PRELID3B: variants seen among roughly 807,000 people sequenced by gnomAD.
PRELID3B encodes PRELI domain containing 3B, also known as PRELI domain containing protein 3B.
In PRELID3B, 15 loss-of-function variants were observed where a neutral mutation model predicts 24.0. That is an observed-to-expected ratio of 0.63 (90% CI 0.42 to 0.96). PRELID3B has a LOEUF of 0.96. PRELID3B is among the 40% of genes least tolerant of loss of function. The pLI is 0.00. For missense variants in PRELID3B, 189 were observed against 236.0 expected (o/e 0.80, Z 1.30); for synonymous variants, 62 against 76.0 (o/e 0.82, Z 0.96).
chr20:59,035,808 AC>A (rs1345575075), intron 5 of PRELID3B, among the ~76,000 whole-genome samples: 3 of 152,100 alleles, frequency 2.0e-5, no homozygotes, highest in Non-Finnish European at 4.4e-5. Context: ...CCTGCTGTAT[AC>A]CCTGTCTAGC....
chr20:59,041,240 T>C (rs1414362443), intron 1 of PRELID3B, among the ~76,000 whole-genome samples: 3 of 152,208 alleles, frequency 2.0e-5, no homozygotes, highest in Admixed American at 2.0e-4. Context: ...TAGTGATGAA[T>C]GCGACCAGGT....
intron 3 of PRELID3B, 43 bp from the exon 4 acceptor site, chr20:59,036,803 A>T: frequency 7.6e-7 from 1 of 1,307,742 alleles, no homozygotes; most frequent in Non-Finnish European, 1.1e-6. Flanking sequence ...TCATTTTGGA[A>T]CTGAAGATTC....
At position 59,040,956 on chromosome 20, in the gene PRELID3B, C is replaced by T. The variant is rs183389478; in HGVS notation, c.32+1743G>A. 1.3e-5 allele frequency among the ~76,000 whole-genome samples: 2 copies of T among 152,272 alleles called. No individual in the cohort carries two copies. The highest frequency in any genetic ancestry group is 2.4e-5 in the African/African-American group (1 of 41,554). On this transcript the variant is annotated intron_variant, in intron 1 of 5. Transcript: ENST00000355937. This position sits in a 1 kb window ranked among gnomAD's most constrained non-coding sequence, Gnocchi z 4.1. ...AGAAACAAAAAAGAAATTAAGATCA[C>T]AGGTAAAATCCAATATAGGAAGGCC...
At chr20:59,037,559 C>A (rs544804347) in intron 2 of PRELID3B, among the ~76,000 whole-genome samples, 3 of 152,164 alleles carry the variant, frequency 2.0e-5, no homozygotes, top group Non-Finnish European at 4.4e-5. Context: ...TGCCGCGGTG[C>A]GACGGTGGAG....
At chr20:59,039,844 C>T (rs2146394553) in intron 1 of PRELID3B, among the ~76,000 whole-genome samples, 1 of 152,294 alleles carries the variant, frequency 6.6e-6, no homozygotes, top group African/African-American at 2.4e-5. Flanking sequence ...CTTTTCTATA[C>T]AATATTGTAC....
At chr20:59,037,485 T>C (rs1339196107) in intron 2 of PRELID3B, among the ~76,000 whole-genome samples, 2 of 152,210 alleles carry the variant, frequency 1.3e-5, no homozygotes, top group Non-Finnish European at 2.9e-5. Flanking sequence ...CAAAAACTTT[T>C]CCCGGAGGCA....
chr20:59,041,721 C>T (rs1036785974), intron 1 of PRELID3B, among the ~76,000 whole-genome samples: 4 of 152,004 alleles, frequency 2.6e-5, no homozygotes, highest in East Asian at 1.9e-4. Flanking sequence ...GGCAACAGAG[C>T]GAGACTCTGC....
Position 59,042,768 on chromosome 20 carries a change from G to A in PRELID3B, c.-38C>T, listed in dbSNP as rs1165579755. The A allele has an allele frequency of 3.1e-6, 5 of 1,587,862 alleles. No individual in the cohort carries two copies. Among genetic ancestry groups the A allele is most frequent in the Non-Finnish European group, 3.4e-6 (4 of 1,167,868 alleles). On this transcript the variant is annotated 5_prime_UTR_variant, in exon 1 of 6. Transcript: ENST00000355937. ...CTGAGAGATGTCCGGGTAGCGCCAG[G>A]GGACAACGAGGCACAGAGGCTACAC...
Position 59,037,218 on chromosome 20 carries a change from C to T in PRELID3B, c.264G>A (p.Glu88=). The part of the protein sequence containing the change: ...VQEHSVVDPV[E]KTMELKSTNI... ...TAGTAGATTTAAGTTCCATTGTTTT[C>T]TCTACAGGATCAACTACAGAATGTT... The change falls in exon 3 of 6, where the codon GAG becomes GAA. Residue 88 remains glutamate (E), a synonymous_variant. Transcript: ENST00000355937. 6.2e-7 allele frequency: 1 copy of T among 1,613,756 alleles called. No individual in the cohort carries two copies. The highest frequency in any genetic ancestry group is 8.5e-7 in the Non-Finnish European group (1 of 1,179,740).
chr20:59,038,655 A>G, intron 1 of PRELID3B, 21 bp from the exon 2 acceptor site: 3 of 1,503,706 alleles, frequency 2.0e-6, no homozygotes, highest in South Asian at 1.3e-5. Context: ...GAACCAAAAA[A>G]AAAAAAAAAA....
Position 59,034,833 on chromosome 20 carries a change from T to G in PRELID3B, c.*174A>C. The G allele has an allele frequency of 2.2e-6, 1 of 460,618 alleles. No homozygotes were observed. Among genetic ancestry groups the G allele is most frequent in the South Asian group, 6.9e-5 (1 of 14,552 alleles). The allele number at this position is 460,618 out of a possible 1,614,324, so 28.5% of individuals were successfully genotyped here. A position where few individuals can be genotyped will look rare whatever the true frequency, so the allele number is the denominator to read the frequency against. On this transcript the variant is annotated 3_prime_UTR_variant, in exon 6 of 6. Transcript: ENST00000355937. ...CAACATTAATTTCAGATGATCCCTT[T>G]TATTTAGAGGCCCTGCATCTGTTTT...
chr20:59,039,226 G>A (rs1363649326), intron 1 of PRELID3B, among the ~76,000 whole-genome samples: 2 of 152,140 alleles, frequency 1.3e-5, no homozygotes, highest in African/African-American at 4.8e-5. Flanking sequence ...GAGTGATTCT[G>A]ATTTCTGTTT....
In PRELID3B at chr20:59,040,893, G is replaced by T. The variant is rs2092105501; in HGVS notation, c.32+1806C>A. ...TGGGGAGAAAGCACGGATCAGGGCT[G>T]CTTCTCCCAGGACAAAAAAAAAGTC... is the stretch of plus-strand genomic sequence containing the variant. On this transcript the variant is annotated intron_variant, in intron 1 of 5. Transcript: ENST00000355937. The surrounding 1 kb of genome is among the most constrained non-coding windows in gnomAD (Gnocchi z 4.1). 6.6e-6 allele frequency among the ~76,000 whole-genome samples: 1 copy of T among 152,116 alleles called. No homozygotes were observed. Among genetic ancestry groups the T allele is most frequent in the Non-Finnish European group, 1.5e-5 (1 of 68,026 alleles).
chr20:59,034,683 C>T lies in PRELID3B; in HGVS notation c.*324G>A, dbSNP rs191599772. The T allele has an allele frequency of 9.3e-4, 191 of 205,684 alleles. 1 individual carries two copies. Among genetic ancestry groups the T allele is most frequent in the African/African-American group, 4.2e-3 (182 of 43,292 alleles). 12.7% of individuals were successfully genotyped at this position (205,684 alleles called of 1,614,324 possible). ...GGTTGGTCCAAAGTCAGGTGGAGTT[C>T]CAATGTATGAAAAGCTTGAAAAATC... On this transcript the variant is annotated 3_prime_UTR_variant, in exon 6 of 6. Coordinates refer to ENST00000355937, the MANE Select transcript of PRELID3B (RefSeq NM_016045.3).
Position 59,033,217 on chromosome 20 carries a change from G to C in PRELID3B, c.*1790C>G, listed in dbSNP as rs1160406002. 1 of 151,914 alleles carries C rather than the reference G, an allele frequency of 6.6e-6. No homozygotes were observed. Among genetic ancestry groups the C allele is most frequent in the Non-Finnish European group, 1.5e-5 (1 of 67,976 alleles). 9.4% of individuals were successfully genotyped at this position (151,914 alleles called of 1,614,324 possible). On this transcript the variant is annotated 3_prime_UTR_variant, in exon 6 of 6. Coordinates refer to ENST00000355937, the MANE Select transcript of PRELID3B (RefSeq NM_016045.3). ...TTTCAACTTTATTAAATAGTCCAAG[G>C]GTTTCATTTATGAACACTTATTCCA...
chr20:59,042,399 C>T (rs1185043857), intron 1 of PRELID3B, among the ~76,000 whole-genome samples: 1 of 152,240 alleles, frequency 6.6e-6, no homozygotes, highest in African/African-American at 2.4e-5. Context: ...GCCCCCAGGA[C>T]CTCAGGAGGC....
At chr20:59,041,137 G>A (rs888176904) in intron 1 of PRELID3B, among the ~76,000 whole-genome samples, 2 of 152,144 alleles carry the variant, frequency 1.3e-5, no homozygotes, top group Admixed American at 6.5e-5. Flanking sequence ...ACTGAGTGCC[G>A]AGAACCTCTG....
Position 59,040,353 on chromosome 20 carries a change from G to C in PRELID3B, c.33-1719C>G, listed in dbSNP as rs116395991. On this transcript the variant is annotated intron_variant, in intron 1 of 5. Transcript: ENST00000355937. This position sits in a 1 kb window ranked among gnomAD's most constrained non-coding sequence, Gnocchi z 4.1. Reference sequence around the variant, plus strand: ...GACATTCAAAGACCACGCCAAAGTAGAATCAGGAGGACCTGGCTATGGCTC... The same window carrying C: ...GACATTCAAAGACCACGCCAAAGTACAATCAGGAGGACCTGGCTATGGCTC... Among the ~76,000 whole-genome samples, 1,076 of 152,342 alleles carry C rather than the reference G, an allele frequency of 7.1e-3. 18 individuals are homozygous for C. Among genetic ancestry groups the C allele is most frequent in the African/African-American group, 0.025 (1,040 of 41,578 alleles).
intron 5 of PRELID3B, among the ~76,000 whole-genome samples, 171 bp downstream of exon 5, chr20:59,036,296 AAGTT>A (rs1240179010): frequency 6.6e-6 from 1 of 152,176 alleles, no homozygotes; most frequent in Non-Finnish European, 1.5e-5. Flanking sequence ...AAAAGGCTAA[AAGTT>A]AGAGCTTGGA....
Sources: gnomAD v4.1 joint callset for allele counts (sites outside exome capture counted in the v4.1 genomes callset) on GRCh38, gnomAD v4.1.1 for gene constraint, Gnocchi (gnomAD v3.1) non-coding constraint, MANE v1.5 for transcripts, NCBI Gene and HGNC (gene_info 2026-07-23, HGNC 2026-07-21) for gene names.